The following LIG1 variants were observed in gnomAD, a reference collection of about 807,000 sequenced individuals.
The protein encoded by LIG1 is ligase I, DNA, ATP-dependent.
LIG1 carries 70 observed loss-of-function variants against 115.7 expected under a neutral mutation model. The ratio of observed to expected loss-of-function variants is 0.60; its 90% CI spans 0.50 to 0.74. The LOEUF (loss-of-function observed/expected upper bound fraction) is 0.74. Among genes scored for constraint, LIG1 ranks in the 30% least tolerant of loss-of-function variants. The pLI is 0.00. For synonymous variants in LIG1, 487 were observed against 495.3 expected, an observed-to-expected ratio of 0.98 and a Z score of 0.22; for missense variants, 1,115 against 1,225.6, an observed-to-expected ratio of 0.91 and a Z score of 1.35.
chr19:48,151,259 T>C lies in LIG1; in HGVS notation c.547A>G (p.Thr183Ala), dbSNP rs769866355. ...GAGGTCTTTAGGGGCTTGGGAGGCGTGGTGGGCTGGTCCCCGTCTTCTCCT... is the reference window on the plus strand; with the variant it reads ...GAGGTCTTTAGGGGCTTGGGAGGCGCGGTGGGCTGGTCCCCGTCTTCTCCT... ...KEGEDGDQPT[T>A]PPKPLKTSKA... is the part of the protein sequence containing the mutation. Residue 183 changes from threonine to alanine, a missense_variant, in exon 7 of 28, where the codon ACG becomes GCG. Transcript: ENST00000263274. 7 of 1,613,470 alleles carry C rather than the reference T, an allele frequency of 4.3e-6. No homozygotes were observed. The Admixed American group carries it at 1.2e-4, about 27-fold the overall frequency.
At chr19:48,141,429 G>GC (rs1235352019) in intron 11 of LIG1, among the ~76,000 whole-genome samples, 17 of 152,342 alleles carry the variant, frequency 1.1e-4, no homozygotes, top group African/African-American at 3.6e-4. Flanking sequence ...AACACGGCCA[G>GC]CCCTTTGCAC....
chr19:48,121,298 C>T lies in LIG1; in HGVS notation c.2257G>A (p.Val753Met), dbSNP rs146309259. ...ACCACCAGGTCCAGGGTGTCACCCA[C>T]GCCATCAAGGTAGTCCTTCTTCAGC... ...LKLKKDYLDG[V>M]GDTLDLVVIG... is the part of the protein sequence containing the mutation. The change falls in exon 24 of 28, where the codon GTG becomes ATG. Residue 753 changes from valine (V) to methionine (M), a missense_variant. Physicochemically the swap from Val to Met is conservative, Grantham distance 21. Transcript: ENST00000263274. The T allele has an allele frequency of 7.4e-3, 11,920 of 1,608,944 alleles. 70 individuals carry two copies. Among genetic ancestry groups the T allele is most frequent in the Middle Eastern group, 0.029 (173 of 6,038 alleles).
Position 48,122,635 on chromosome 19 carries a change from C to A in LIG1, c.2232+299G>T, listed in dbSNP as rs763649888. On this transcript the variant is annotated intron_variant, in intron 23 of 27. Transcript: ENST00000263274. The surrounding 1 kb of genome is among the most constrained non-coding windows in gnomAD (Gnocchi z 4.3). ...CTCTTATTCATGTCCTGGCTTAATT[C>A]CTGCCCAAGAGCCTGGCCCGACACG... Among the ~76,000 whole-genome samples, 1 of 152,246 alleles carries A rather than the reference C, an allele frequency of 6.6e-6. No homozygotes were observed. Among genetic ancestry groups the A allele is most frequent in the Non-Finnish European group, 1.5e-5 (1 of 68,048 alleles).
In LIG1 at chr19:48,124,687, T is replaced by G. The variant is rs900505388; in HGVS notation, c.2005-1369A>C. Among the ~76,000 whole-genome samples, 3 of 152,242 alleles carry G rather than the reference T, an allele frequency of 2.0e-5. No individual in the cohort carries two copies. In the East Asian group the frequency reaches 5.8e-4, roughly 29 times the overall value. ...AGAAAATATGATTTTATCTGTTTCT[T>G]CTTACCTTTTAATATGGCTACTAGA... On this transcript the variant is annotated intron_variant, in intron 21 of 27. Transcript: ENST00000263274.
In LIG1 at chr19:48,123,201, C is replaced by T. The variant is rs140087554; in HGVS notation, c.2122G>A (p.Ala708Thr). 142 of 1,614,044 alleles carry T rather than the reference C, an allele frequency of 8.8e-5. No homozygotes were observed. Among genetic ancestry groups the T allele is most frequent in the African/African-American group, 8.4e-4 (63 of 75,000 alleles). ...SLDTKDIEQI[A>T]EFLEQSVKDS... is the part of the protein sequence containing the mutation. ...TTCACTGACTGCTCCAGGAACTCGG[C>T]GATCTGCTCGATGTCCTTGGTGTCC... Residue 708 changes from alanine (A) to threonine (T), a missense_variant, in exon 22 of 28, where the codon GCC becomes ACC. Transcript: ENST00000263274.
rs527848172 is a variant in LIG1 at position 48,130,991 on chromosome 19, T to C, written c.1821+85A>G. 10 of 1,080,846 alleles carry C rather than the reference T, an allele frequency of 9.3e-6. No homozygotes were observed. In the Admixed American group the frequency reaches 1.7e-4, roughly 19 times the overall value. The allele number at this position is 1,080,846 out of a possible 1,614,324, so 67.0% of individuals were successfully genotyped here. On this transcript the variant is annotated intron_variant, in intron 19 of 27. Transcript: ENST00000263274. ...TCTCCTCCCAATAAACCCCGCACTG[T>C]GCCACACTGGCCTAGATGGGCCTCA...
intron 5 of LIG1, chr19:48,154,332 C>A (rs1297806926): frequency 6.1e-6 from 2 of 329,416 alleles, no homozygotes; most frequent in Admixed American, 3.9e-5. Flanking sequence ...AGACAGCTTC[C>A]CCGGAACCTC....
In LIG1 at chr19:48,115,960, A is replaced by G. The variant is rs750286209; in HGVS notation, c.2589T>C (p.Asp863=). 2 of 1,613,306 alleles carry G rather than the reference A, an allele frequency of 1.2e-6. No individual in the cohort carries two copies. Among genetic ancestry groups the G allele is most frequent in the Non-Finnish European group, 1.7e-6 (2 of 1,179,770 alleles). ...PIYPAARGLV[D]SDKGISLRFP... ...AGCGAAGGGAGATGCCCTTGTCACT[A>G]TCCACCTGCGGAAGCGGGATGGAGA... Residue 863 remains aspartate, a synonymous_variant, in exon 27 of 28, where the codon GAT becomes GAC. Coordinates refer to ENST00000263274, the MANE Select transcript of LIG1 (RefSeq NM_000234.3).
chr19:48,141,562 G>A (rs915284796), intron 11 of LIG1, among the ~76,000 whole-genome samples: 1 of 152,210 alleles, frequency 6.6e-6, no homozygotes, highest in Non-Finnish European at 1.5e-5. Flanking sequence ...CACAGAGCGA[G>A]TAAGTATGAA....
rs1256431243 is a variant in LIG1, at chr19:48,159,035, T to G, written c.244-1895A>C. On this transcript the variant is annotated intron_variant, in intron 4 of 27. Coordinates refer to ENST00000263274, the MANE Select transcript of LIG1 (RefSeq NM_000234.3). ...CCTCTGTTCAAATCACTGGTATGGTTTCTGTCTCCCATTGAGACCCTGATG... is the reference window on the plus strand; with the variant it reads ...CCTCTGTTCAAATCACTGGTATGGTGTCTGTCTCCCATTGAGACCCTGATG... Among the ~76,000 whole-genome samples, 3 of 152,180 alleles carry G rather than the reference T, an allele frequency of 2.0e-5. No individual in the cohort carries two copies. In the East Asian group the frequency reaches 5.8e-4, roughly 29 times the overall value.
chr19:48,146,702 A>C (rs1272178663), intron 9 of LIG1, among the ~76,000 whole-genome samples: 1 of 152,246 alleles, frequency 6.6e-6, no homozygotes, highest in East Asian at 1.9e-4. Flanking sequence ...AAGCAGTCGT[A>C]GTATCACTTG....
At chr19:48,126,761 TGAATAGACACAAGG>T (rs1568487670) in intron 21 of LIG1, among the ~76,000 whole-genome samples, 7 of 149,006 alleles carry the variant, frequency 4.7e-5, no homozygotes, top group Non-Finnish European at 7.5e-5. Context: ...TTTTTTTTTT[TGAATAGACACAAGG>T]TCTTTTCTAT....
chr19:48,134,507 AGTTAGCTGG>A (rs1408182999), intron 16 of LIG1, among the ~76,000 whole-genome samples: 11 of 152,282 alleles, frequency 7.2e-5, no homozygotes, highest in Admixed American at 6.5e-4. Flanking sequence ...AAAATATAAA[AGTTAGCTGG>A]GGGTGGTGGC....
chr19:48,141,713 GC>G (rs2034769298), intron 11 of LIG1, among the ~76,000 whole-genome samples: 3 of 152,278 alleles, frequency 2.0e-5, no homozygotes, highest in African/African-American at 7.2e-5. Context: ...AACTTAGGGG[GC>G]CTCATTAGAA....
intron 8 of LIG1, 65 bp from the exon 9 acceptor site, chr19:48,149,906 T>G: frequency 6.4e-7 from 1 of 1,562,880 alleles, no homozygotes; most frequent in Non-Finnish European, 8.7e-7. Flanking sequence ...TCCCATCCAT[T>G]CTGCACCCAG....
chr19:48,143,754 T>C, intron 10 of LIG1, 129 bp downstream of exon 10: 1 of 1,069,748 alleles, frequency 9.3e-7, no homozygotes, highest in Non-Finnish European at 1.5e-6. Flanking sequence ...TCCCTTTCAA[T>C]GCTGCTGATT....
intron 19 of LIG1, among the ~76,000 whole-genome samples, chr19:48,129,054 C>G (rs1240404155): frequency 6.7e-6 from 1 of 149,946 alleles, no homozygotes; most frequent in Non-Finnish European, 1.5e-5. Context: ...GCCACCACGC[C>G]TGGCCTCTTT....
intron 2 of LIG1, among the ~76,000 whole-genome samples, chr19:48,164,490 C>G (rs1372738430): frequency 1.3e-5 from 2 of 152,096 alleles, no homozygotes; most frequent in East Asian, 3.9e-4. Context: ...TTGCCTGTGA[C>G]CAGGGGTGGA....
At chr19:48,143,680 C>G (rs973176110) in intron 10 of LIG1, 81 bp from the exon 11 acceptor site, 2 of 1,298,580 alleles carry the variant, frequency 1.5e-6, no homozygotes. Context: ...CTTCCTCACG[C>G]CTCCTCGGGA....
Sources: gnomAD v4.1 joint callset for allele counts (sites outside exome capture counted in the v4.1 genomes callset) on GRCh38, gnomAD v4.1.1 for gene constraint, Gnocchi (gnomAD v3.1) non-coding constraint, MANE v1.5 for transcripts, NCBI Gene and HGNC (gene_info 2026-07-23, HGNC 2026-07-21) for gene names.